DOCK1: variants seen among roughly 807,000 people sequenced by gnomAD.
DOCK1 encodes the protein dedicator of cytokinesis protein 1.
In DOCK1, 138 loss-of-function variants were observed where a neutral mutation model predicts 262.7. That is an observed-to-expected ratio of 0.53 (90% CI 0.46 to 0.61). The LOEUF (loss-of-function observed/expected upper bound fraction) is 0.61. Among genes scored for constraint, DOCK1 ranks in the 20% least tolerant of loss-of-function variants. DOCK1 has a pLI of 0.00. For synonymous variants in DOCK1, 866 were observed against 867.4 expected (o/e 1.00, Z 0.03); for missense variants, 1,908 against 2,370.7 (o/e 0.80, Z 4.05).
chr10:127,311,513 G>C (rs2062061643), intron 29 of DOCK1, among the ~76,000 whole-genome samples: 1 of 152,186 alleles, frequency 6.6e-6, no homozygotes, highest in Non-Finnish European at 1.5e-5. Context: ...TCAGGTTTTG[G>C]AGTATTTTGG....
chr10:127,165,080 A>C (rs2053957864), intron 27 of DOCK1, among the ~76,000 whole-genome samples: 1 of 152,246 alleles, frequency 6.6e-6, no homozygotes, highest in Non-Finnish European at 1.5e-5. Context: ...ATACTGTATT[A>C]AACCAAATTT....
At chr10:127,354,632 G>T in intron 31 of DOCK1, 37 bp from the exon 32 acceptor site, 1 of 1,612,792 alleles carries the variant, frequency 6.2e-7, no homozygotes, top group Non-Finnish European at 8.5e-7. Context: ...AATGCCTTCC[G>T]GAGTGATTCA....
intron 22 of DOCK1, among the ~76,000 whole-genome samples, chr10:127,053,735 T>G (rs989210432): frequency 6.6e-6 from 1 of 152,274 alleles, no homozygotes; most frequent in African/African-American, 2.4e-5. Context: ...AGAGCCTTAA[T>G]ATTGTATAGA....
At position 127,250,791 on chromosome 10, in the gene DOCK1, C is replaced by CAAAAA. The variant is rs1180814401; in HGVS notation, c.2949+2709_2949+2713dup. ...TGGGCGACACAGTGAGACTCCGTCT[C>CAAAAA]AAAAAAAAAAAAAAAAAAAAAAAAA... On this transcript the variant is annotated intron_variant, in intron 28 of 51. Coordinates refer to ENST00000623213, the MANE Select transcript of DOCK1 (RefSeq NM_001290223.2). Among the ~76,000 whole-genome samples the CAAAAA allele has an allele frequency of 3.0e-3, 190 of 64,074 alleles. 10 individuals carry two copies. Among genetic ancestry groups the CAAAAA allele is most frequent in the Non-Finnish European group, 3.8e-3 (146 of 38,916 alleles). The allele number at this position is 64,074 out of a possible 152,430, so 42.0% of individuals were successfully genotyped here.
At chr10:127,292,073 A>G (rs1020960276) in intron 29 of DOCK1, among the ~76,000 whole-genome samples, 19 of 152,282 alleles carry the variant, frequency 1.2e-4, no homozygotes, top group Admixed American at 8.5e-4. Context: ...TATTTCAAGG[A>G]CCTGCCTGAG....
rs1554971580 is a variant in DOCK1, at chr10:127,452,218, T to C, written c.*791T>C. 6.6e-6 allele frequency: 1 copy of C among 152,640 alleles called. No individual in the cohort carries two copies. Among genetic ancestry groups the C allele is most frequent in the Non-Finnish European group, 1.5e-5 (1 of 68,036 alleles). The allele number at this position is 152,640 out of a possible 1,614,324, so 9.5% of individuals were successfully genotyped here. On this transcript the variant is annotated 3_prime_UTR_variant, in exon 52 of 52. Transcript: ENST00000623213. ...TGATGGTTCTTAGAACTTGTTTTAA[T>C]TTTTGTGGTCCTTCCGTTTATTATA...
At chr10:126,946,994 C>G (rs893180998) in intron 1 of DOCK1, among the ~76,000 whole-genome samples, 1 of 152,198 alleles carries the variant, frequency 6.6e-6, no homozygotes. Flanking sequence ...CTGATCCTGT[C>G]CCCCCATCCC....
At chr10:127,311,801 G>A (rs539832587) in intron 29 of DOCK1, among the ~76,000 whole-genome samples, 27 of 152,232 alleles carry the variant, frequency 1.8e-4, no homozygotes, top group Non-Finnish European at 3.7e-4. Context: ...AGGTTGCTCT[G>A]GGCTGCTTAA....
In DOCK1 at chr10:127,352,351, G is replaced by A. The variant is rs367826385; in HGVS notation, c.3225-2318G>A. ...AGGGGCAAAGAGGATGGGGAGGAGC[G>A]GATGCACCTGGCCTCCCAAATCCAG... is the stretch of plus-strand genomic sequence containing the variant. On this transcript the variant is annotated intron_variant, in intron 31 of 51. Transcript: ENST00000623213. Among the ~76,000 whole-genome samples the A allele has an allele frequency of 9.9e-5, 15 of 151,514 alleles. No individual in the cohort carries two copies. The East Asian group carries it at 1.6e-3, about 16-fold the overall frequency.
At chr10:127,226,698 CGT>C (rs2058654897) in intron 27 of DOCK1, among the ~76,000 whole-genome samples, 1 of 152,084 alleles carries the variant, frequency 6.6e-6, no homozygotes. Flanking sequence ...GAGCCAAGAT[CGT>C]GCTACTGCAT....
At chr10:127,280,035 A>ATATATATAAT (rs2060894873) in intron 29 of DOCK1, among the ~76,000 whole-genome samples, 17 of 59,788 alleles carry the variant, frequency 2.8e-4, no homozygotes, top group East Asian at 6.9e-4. Flanking sequence ...TATATATATA[A>ATATATATAAT]TTTTTTTTTT....
At chr10:127,231,678 T>C (rs1012071465) in intron 27 of DOCK1, among the ~76,000 whole-genome samples, 3 of 152,216 alleles carry the variant, frequency 2.0e-5, no homozygotes, top group Non-Finnish European at 4.4e-5. Flanking sequence ...CAGAAGCACA[T>C]TCACTCATTA....
At position 127,175,687 on chromosome 10, in the gene DOCK1, A is replaced by T; in HGVS notation, c.2847+47923A>T. On this transcript the variant is annotated intron_variant, in intron 27 of 51. Transcript: ENST00000623213. The surrounding 1 kb of genome is among the most constrained non-coding windows in gnomAD (Gnocchi z 6.3). ...AGGGCAGGTGGAGCGGGCTCCTCGG[A>T]GTTTGGCCTCCCCCGGTCCTGCTTG... The T allele has an allele frequency of 6.2e-7, 1 of 1,613,640 alleles. No individual in the cohort carries two copies. The highest frequency in any genetic ancestry group is 1.3e-5 in the African/African-American group (1 of 74,988).
At chr10:126,914,379 ATTTG>A (rs2032220006) in intron 1 of DOCK1, among the ~76,000 whole-genome samples, 1 of 151,892 alleles carries the variant, frequency 6.6e-6, no homozygotes, top group Non-Finnish European at 1.5e-5. Context: ...ATCCTGAGTG[ATTTG>A]TTTCAGTTTT....
intron 1 of DOCK1, among the ~76,000 whole-genome samples, chr10:126,909,690 G>T (rs1384557792): frequency 6.6e-6 from 1 of 152,194 alleles, no homozygotes; most frequent in Non-Finnish European, 1.5e-5. Context: ...TTTCTCATCT[G>T]TGAAGTGGAA....
intron 48 of DOCK1, among the ~76,000 whole-genome samples, chr10:127,436,302 A>C (rs1428415796): frequency 6.6e-6 from 1 of 152,176 alleles, no homozygotes; most frequent in Admixed American, 6.5e-5. Context: ...GGATTGCTTG[A>C]GCTCTGGAGT....
In DOCK1 at chr10:127,409,094, C is replaced by T; in HGVS notation, c.4180C>T (p.Arg1394Trp). 6.2e-7 allele frequency: 1 copy of T among 1,603,050 alleles called. No homozygotes were observed. Reference protein sequence around the residue: ...EYERREDFEARLLTQFPNAEK... With the variant: ...EYERREDFEAWLLTQFPNAEK... ...TGAGCGCCGGGAAGATTTTGAGGCTCGGCTCTTAACTCAGTTTCCAAACGC... is the reference window on the plus strand; with the variant it reads ...TGAGCGCCGGGAAGATTTTGAGGCTTGGCTCTTAACTCAGTTTCCAAACGC... Residue 1394 changes from arginine (R) to tryptophan (W), a missense_variant, in exon 41 of 52, where the codon CGG (arginine) becomes TGG (tryptophan). This residue lies in a region of DOCK1 where 267 missense variants were observed against 366.3 expected (regional missense o/e 0.73). Coordinates refer to ENST00000623213, the MANE Select transcript of DOCK1 (RefSeq NM_001290223.2).
chr10:127,392,321 C>T (rs1210505630), intron 38 of DOCK1, among the ~76,000 whole-genome samples: 3 of 152,114 alleles, frequency 2.0e-5, no homozygotes, highest in African/African-American at 4.8e-5. Context: ...AGGGACCATC[C>T]CTGAGTCCCC....
At chr10:127,220,547 A>G (rs752610747) in intron 27 of DOCK1, among the ~76,000 whole-genome samples, 2 of 152,152 alleles carry the variant, frequency 1.3e-5, no homozygotes, top group Non-Finnish European at 2.9e-5. Context: ...TGAAATTCCA[A>G]TTTTACTGAG....
Sources: allele counts gnomAD v4.1 joint callset (sites outside exome capture counted in the v4.1 genomes callset), GRCh38; gene constraint gnomAD v4.1.1; regional missense constraint gnomAD v4.1.1; non-coding constraint Gnocchi (gnomAD v3.1); transcripts MANE v1.5; gene names NCBI Gene and HGNC (gene_info 2026-07-23, HGNC 2026-07-21).